FOXJ3: variants seen among roughly 807,000 people sequenced by gnomAD.
The protein encoded by FOXJ3 is forkhead box J3, also known as forkhead box protein J3.
FOXJ3 carries 22 observed loss-of-function variants against 76.1 expected under a neutral mutation model. That is an observed-to-expected ratio of 0.29 (90% confidence interval 0.21 to 0.41). The LOEUF (loss-of-function observed/expected upper bound fraction) is 0.41. FOXJ3 is among the 10% of genes least tolerant of loss of function. The probability of loss-of-function intolerance (pLI) is 1.00; values close to 1 mark genes in which losing one functional copy is unlikely to be tolerated. For synonymous variants in FOXJ3, 269 were observed against 261.2 expected, an observed-to-expected ratio of 1.03 and a Z score of -0.29; for missense variants, 613 against 762.1, an observed-to-expected ratio of 0.80 and a Z score of 2.30.
At chr1:42,309,984 T>C (rs554221308) in intron 2 of FOXJ3, among the ~76,000 whole-genome samples, 28 of 152,370 alleles carry the variant, frequency 1.8e-4, no homozygotes, top group African/African-American at 6.5e-4. Flanking sequence ...TCCTACTTTT[T>C]ACATTTCTCA....
At chr1:42,234,726 AGCAAATGTTGC>A (rs1466248828) in intron 4 of FOXJ3, among the ~76,000 whole-genome samples, 1 of 152,168 alleles carries the variant, frequency 6.6e-6, no homozygotes, top group Non-Finnish European at 1.5e-5. Flanking sequence ...ATTGGCAAGC[AGCAAATGTTGC>A]TGCCTGACCG....
chr1:42,188,195 G>A (rs552133544), intron 11 of FOXJ3, among the ~76,000 whole-genome samples: 1 of 152,186 alleles, frequency 6.6e-6, no homozygotes, highest in African/African-American at 2.4e-5. Context: ...TGTGCAATCA[G>A]AGTAGAAGAC....
At chr1:42,234,847 A>T (rs692802) in intron 4 of FOXJ3, among the ~76,000 whole-genome samples, 106,472 of 152,062 alleles carry the variant, frequency 0.7, 38,023 homozygotes, top group Admixed American at 0.8. Flanking sequence ...CGGTGCCTCC[A>T]GTTAGGCTAC....
At chr1:42,303,763 A>C (rs534719918) in intron 2 of FOXJ3, among the ~76,000 whole-genome samples, 23 of 152,226 alleles carry the variant, frequency 1.5e-4, no homozygotes, top group Non-Finnish European at 2.6e-4. Flanking sequence ...TACAAGTACT[A>C]CTGTGTCCCA....
intron 4 of FOXJ3, among the ~76,000 whole-genome samples, chr1:42,247,299 T>C (rs780685838): frequency 3.0e-4 from 45 of 152,170 alleles, no homozygotes; most frequent in Middle Eastern, 3.4e-3. Context: ...ATAATATGTA[T>C]CAATTAAAAA....
At chr1:42,258,776 C>A (rs143490759) in intron 4 of FOXJ3, among the ~76,000 whole-genome samples, 10 of 152,214 alleles carry the variant, frequency 6.6e-5, no homozygotes, top group African/African-American at 2.2e-4. Flanking sequence ...ACATATCTTG[C>A]TTTTAAATCA....
intron 3 of FOXJ3, among the ~76,000 whole-genome samples, chr1:42,277,796 CAAAAAAA>C (rs889209417): frequency 4.9e-4 from 1 of 2,036 alleles, no homozygotes; most frequent in Non-Finnish European, 1.6e-3. Flanking sequence ...GACTCCGTCT[CAAAAAAA>C]AAAAAAAAAA....
intron 1 of FOXJ3, among the ~76,000 whole-genome samples, chr1:42,332,011 TTCTC>T (rs747078556): frequency 1.3e-5 from 2 of 152,182 alleles, no homozygotes; most frequent in African/African-American, 2.4e-5. Flanking sequence ...CCTTTCAATT[TTCTC>T]TCTAAGTTTA....
intron 4 of FOXJ3, among the ~76,000 whole-genome samples, chr1:42,249,279 T>C (rs1649823041): frequency 1.3e-5 from 2 of 152,188 alleles, no homozygotes; most frequent in African/African-American, 4.8e-5. Flanking sequence ...AATGAGTATA[T>C]ATTTCTTTGG....
intron 4 of FOXJ3, among the ~76,000 whole-genome samples, chr1:42,236,215 G>C (rs549139962): frequency 1.9e-4 from 29 of 152,268 alleles, no homozygotes; most frequent in Non-Finnish European, 3.7e-4. Context: ...TTGAGGCAAG[G>C]TCTTGCTTTG....
rs191789702 is a variant in FOXJ3 at position 42,255,021 on chromosome 1, T to C, written c.444+10094A>G. On this transcript the variant is annotated intron_variant, in intron 4 of 12. Coordinates refer to ENST00000361346, the MANE Select transcript of FOXJ3 (RefSeq NM_014947.5). ...AGGATACCAGATGGAAACTTAGATT[T>C]CTAGGAAAGAACATCAGAAAAGGTA... Among the ~76,000 whole-genome samples the C allele has an allele frequency of 3.1e-3, 466 of 151,998 alleles. 3 individuals are homozygous for C. The highest frequency in any genetic ancestry group is 0.011 in the African/African-American group (445 of 41,450).
At position 42,208,888 on chromosome 1, in the gene FOXJ3, A is replaced by C. The variant is rs115000259; in HGVS notation, c.529-3025T>G. Among the ~76,000 whole-genome samples the C allele has an allele frequency of 7.6e-3, 1,154 of 152,346 alleles. 9 individuals carry two copies. Among genetic ancestry groups the C allele is most frequent in the Non-Finnish European group, 0.012 (837 of 68,038 alleles). ...ACACATTAAGCCACACATGAGCAAA[A>C]GCATCTATTTTATAATAAAGTGTTA... On this transcript the variant is annotated intron_variant, in intron 5 of 12. Coordinates refer to ENST00000361346, the MANE Select transcript of FOXJ3 (RefSeq NM_014947.5).
chr1:42,184,436 CTTTTA>C (rs1424417694), intron 11 of FOXJ3, among the ~76,000 whole-genome samples: 2 of 152,122 alleles, frequency 1.3e-5, no homozygotes, highest in Non-Finnish European at 2.9e-5. Flanking sequence ...ATGCGTAACA[CTTTTA>C]TTTTCATATA....
intron 2 of FOXJ3, 66 bp from the exon 3 acceptor site, chr1:42,278,738 A>T: frequency 8.4e-7 from 1 of 1,191,112 alleles, no homozygotes; most frequent in Admixed American, 2.2e-5. Flanking sequence ...AATATCCAAT[A>T]TTCACAAATC....
intron 5 of FOXJ3, among the ~76,000 whole-genome samples, chr1:42,222,005 AGGAGGAGAAGGAGAAGGGGGAGGG>A (rs1557649011): frequency 2.2e-4 from 1 of 4,588 alleles, no homozygotes; most frequent in African/African-American, 8.3e-4. Flanking sequence ...GAGGGGGAGG[AGGAGGAGAAGGAGAAGGGGGAGGG>A]GGAGGAGAAG....
chr1:42,318,911 T>C (rs147858904), intron 1 of FOXJ3, among the ~76,000 whole-genome samples: 4 of 152,282 alleles, frequency 2.6e-5, no homozygotes, highest in Non-Finnish European at 5.9e-5. Context: ...AGAATGTTCA[T>C]AGCAGTATTA....
intron 4 of FOXJ3, among the ~76,000 whole-genome samples, chr1:42,239,262 C>A (rs1263206380): frequency 6.7e-6 from 1 of 150,282 alleles, no homozygotes; most frequent in Non-Finnish European, 1.5e-5. Flanking sequence ...TCTTGCCTTA[C>A]TCCATTGGCT....
At chr1:42,291,025 T>TATAGATAGATAG (rs80123722) in intron 2 of FOXJ3, among the ~76,000 whole-genome samples, 15 of 134,324 alleles carry the variant, frequency 1.1e-4, no homozygotes, top group South Asian at 2.5e-4. Flanking sequence ...AAAAGACCCA[T>TATAGATAGATAG]ATAGATAGAT....
In FOXJ3 at chr1:42,194,891, T is replaced by C. The variant is rs778776339; in HGVS notation, c.933A>G (p.Gln311=). ...KSVFEQSLSQ[Q]GLMNIPSESS... is the part of the protein sequence containing the mutation. ...AAAAAAGATTTTAAGAAAACTCACC[T>C]TGTTGACTAAGTGACTGCTCAAAAA... Residue 311 remains glutamine (Q), a splice_region_variant and synonymous_variant, in exon 8 of 13, where the codon CAA becomes CAG. Coordinates refer to ENST00000361346, the MANE Select transcript of FOXJ3 (RefSeq NM_014947.5). 1.1e-5 allele frequency: 18 copies of C among 1,569,438 alleles called. No homozygotes were observed. Among genetic ancestry groups the C allele is most frequent in the Non-Finnish European group, 1.4e-5 (16 of 1,163,466 alleles).
Sources: allele counts gnomAD v4.1 joint callset (sites outside exome capture counted in the v4.1 genomes callset), GRCh38; gene constraint gnomAD v4.1.1; transcripts MANE v1.5; gene names NCBI Gene and HGNC (gene_info 2026-07-23, HGNC 2026-07-21).